OXCT1: variants seen among roughly 807,000 people sequenced by gnomAD.
The protein encoded by OXCT1 is 3-oxoacid CoA-transferase 1.
A neutral mutation model predicts 69.6 loss-of-function variants in OXCT1; 27 were observed. That is an observed-to-expected ratio of 0.39 (90% CI 0.29 to 0.54). The LOEUF (loss-of-function observed/expected upper bound fraction) is 0.54, where lower values mean the gene tolerates loss of function less well. Among genes scored for constraint, OXCT1 ranks in the 20% least tolerant of loss-of-function variants. OXCT1 has a pLI of 0.72. For missense variants in OXCT1, 437 were observed against 650.2 expected, an observed-to-expected ratio of 0.67 and a Z score of 3.57; for synonymous variants, 202 against 217.8, an observed-to-expected ratio of 0.93 and a Z score of 0.64.
At chr5:41,806,841 C>G (rs1746705396) in intron 8 of OXCT1, among the ~76,000 whole-genome samples, 2 of 152,024 alleles carry the variant, frequency 1.3e-5, no homozygotes, top group African/African-American at 4.8e-5. Context: ...CTTCAATGCT[C>G]CTGGTACCTA....
At chr5:41,782,218 G>T (rs906536647) in intron 13 of OXCT1, among the ~76,000 whole-genome samples, 2 of 149,826 alleles carry the variant, frequency 1.3e-5, no homozygotes, top group Non-Finnish European at 3.0e-5. Context: ...GTGATGTTGA[G>T]CTTTTTTTTT....
intron 13 of OXCT1, among the ~76,000 whole-genome samples, chr5:41,788,422 T>C (rs1354088035): frequency 2.0e-5 from 3 of 152,164 alleles, no homozygotes; most frequent in Non-Finnish European, 2.9e-5. Context: ...TTAGAGATTA[T>C]AAGATAACAA....
chr5:41,777,670 A>G (rs1745194561), intron 13 of OXCT1, among the ~76,000 whole-genome samples: 1 of 152,218 alleles, frequency 6.6e-6, no homozygotes, highest in Admixed American at 6.5e-5. Context: ...GAGATGTCCT[A>G]TGTACAATTT....
chr5:41,747,528 A>G (rs1743557858), intron 15 of OXCT1, among the ~76,000 whole-genome samples: 1 of 152,082 alleles, frequency 6.6e-6, no homozygotes, highest in South Asian at 2.1e-4. Context: ...AAGTTAGGAT[A>G]AGTACAAAGA....
At chr5:41,856,454 G>A (rs1051451209) in intron 3 of OXCT1, among the ~76,000 whole-genome samples, 4 of 152,096 alleles carry the variant, frequency 2.6e-5, no homozygotes, top group African/African-American at 9.7e-5. Context: ...GATGCCACCT[G>A]TTCTCCCAAC....
intron 13 of OXCT1, among the ~76,000 whole-genome samples, chr5:41,788,664 G>C (rs1196784056): frequency 6.6e-6 from 1 of 152,160 alleles, no homozygotes; most frequent in Non-Finnish European, 1.5e-5. Flanking sequence ...AAAGGAAAAA[G>C]TGGTATAACT....
At chr5:41,757,193 C>T (rs1579669826) in intron 14 of OXCT1, among the ~76,000 whole-genome samples, 1 of 152,180 alleles carries the variant, frequency 6.6e-6, no homozygotes. Context: ...TTTTTTCCCA[C>T]TCAACCTTTC....
chr5:41,730,150 A>G lies in OXCT1; in HGVS notation c.*1579T>C, dbSNP rs970609809. On this transcript the variant is annotated 3_prime_UTR_variant, in exon 17 of 17. Transcript: ENST00000196371. The stretch of plus-strand genomic sequence containing the variant: ...TTCAATCAAGAATATAAAGTCATCT[A>G]CTTAGAATCACATTATCTTAAAGAT... The G allele has an allele frequency of 3.3e-5, 5 of 152,220 alleles. No homozygotes were observed. The highest frequency in any genetic ancestry group is 5.9e-5 in the Non-Finnish European group (4 of 68,040). 9.4% of individuals were successfully genotyped at this position (152,220 alleles called of 1,614,324 possible). A position where few individuals can be genotyped will look rare whatever the true frequency, so the allele number is the denominator to read the frequency against.
Position 41,852,821 on chromosome 5 carries a change from G to A in OXCT1, c.414+598C>T, listed in dbSNP as rs150021261. Reference sequence around the variant, plus strand: ...AGGCATGGTGGCTTACACCTGTGAGGCCAAGGCAGGCGGCTCATTTGAGGT... The same window carrying A: ...AGGCATGGTGGCTTACACCTGTGAGACCAAGGCAGGCGGCTCATTTGAGGT... On this transcript the variant is annotated intron_variant, in intron 4 of 16. Coordinates refer to ENST00000196371, the MANE Select transcript of OXCT1 (RefSeq NM_000436.4). Among the ~76,000 whole-genome samples the A allele has an allele frequency of 6.9e-4, 105 of 152,266 alleles. No individual in the cohort carries two copies. In the East Asian group the frequency reaches 0.016, roughly 23 times the overall value.
In OXCT1 at chr5:41,762,187, T is replaced by G; in HGVS notation, c.1262A>C (p.Lys421Thr). 6.2e-7 allele frequency: 1 copy of G among 1,612,626 alleles called. No homozygotes were observed. The highest frequency in any genetic ancestry group is 8.5e-7 in the Non-Finnish European group (1 of 1,178,824). The change falls in exon 14 of 17, where the codon AAA (lysine) becomes ACA (threonine). Residue 421 changes from lysine to threonine, a missense_variant. Physicochemically the swap from Lys to Thr is moderately conservative, Grantham distance 78 (BLOSUM62 -1). Transcript: ENST00000196371. The surrounding 1 kb of genome is among the most constrained non-coding windows in gnomAD (Gnocchi z 4.0). ...TAAATCCATAGCACCTCCCATTCCTTTCACCATCTTCCCCTGCAAAACAAA... is the reference window on the plus strand; with the variant it reads ...TAAATCCATAGCACCTCCCATTCCTGTCACCATCTTCCCCTGCAAAACAAA... ...ANWMIPGKMV[K>T]GMGGAMDLVS... is the part of the protein sequence containing the mutation.
intron 13 of OXCT1, among the ~76,000 whole-genome samples, chr5:41,767,720 GTGTATATA>G (rs1477876321): frequency 1.3e-5 from 1 of 78,382 alleles, no homozygotes; most frequent in African/African-American, 6.0e-5. Context: ...ATATATGTGT[GTGTATATA>G]TATATATATA....
intron 15 of OXCT1, 24 bp downstream of exon 15, chr5:41,749,503 A>C: frequency 6.8e-7 from 1 of 1,480,258 alleles, no homozygotes; most frequent in South Asian, 1.1e-5. Context: ...AAAACATGGT[A>C]ATAGTAGAAA....
chr5:41,770,900 AAACT>A (rs1744844239), intron 13 of OXCT1, among the ~76,000 whole-genome samples: 1 of 152,206 alleles, frequency 6.6e-6, no homozygotes, highest in African/African-American at 2.4e-5. Context: ...TACTTTACAG[AAACT>A]ATCTATACTA....
At chr5:41,765,521 T>C (rs909557221) in intron 13 of OXCT1, among the ~76,000 whole-genome samples, 1 of 152,176 alleles carries the variant, frequency 6.6e-6, no homozygotes, top group Non-Finnish European at 1.5e-5. Flanking sequence ...GAAGCTAGTA[T>C]GACTAATATA....
chr5:41,834,907 TA>T (rs1277911956), intron 7 of OXCT1, among the ~76,000 whole-genome samples: 1 of 151,626 alleles, frequency 6.6e-6, no homozygotes, highest in African/African-American at 2.4e-5. Flanking sequence ...GAAAAAGAAA[TA>T]ACCTAATGAT....
At chr5:41,819,528 A>G (rs1326545609) in intron 7 of OXCT1, among the ~76,000 whole-genome samples, 2 of 151,802 alleles carry the variant, frequency 1.3e-5, no homozygotes, top group Non-Finnish European at 2.9e-5. Context: ...GCGCCACCAC[A>G]CCAACTAATT....
chr5:41,859,887 G>T (rs910474836), intron 3 of OXCT1, among the ~76,000 whole-genome samples: 7 of 88,448 alleles, frequency 7.9e-5, no homozygotes, highest in East Asian at 2.3e-4. Context: ...ATATATATAT[G>T]TAATATATAT....
At chr5:41,736,864 T>C (rs1402071416) in intron 16 of OXCT1, among the ~76,000 whole-genome samples, 1 of 152,204 alleles carries the variant, frequency 6.6e-6, no homozygotes, top group African/African-American at 2.4e-5. Flanking sequence ...AACTAGTGTA[T>C]AGTCACATAT....
chr5:41,851,572 A>G (rs1010757340), intron 4 of OXCT1, among the ~76,000 whole-genome samples: 4 of 151,842 alleles, frequency 2.6e-5, no homozygotes, highest in African/African-American at 9.7e-5. Context: ...ACCCTCACCC[A>G]CCAAAGAACT....
Sources: gnomAD v4.1 joint callset for allele counts (sites outside exome capture counted in the v4.1 genomes callset) on GRCh38, gnomAD v4.1.1 for gene constraint, Gnocchi (gnomAD v3.1) non-coding constraint, MANE v1.5 for transcripts, NCBI Gene and HGNC (gene_info 2026-07-23, HGNC 2026-07-21) for gene names.